The following DGKB variants were observed in gnomAD, a reference collection of about 807,000 sequenced individuals.
DGKB encodes the protein diacylglycerol kinase beta.
Under a neutral mutation model 114.3 loss-of-function variants are expected in DGKB, and 67 were observed. That is an observed-to-expected ratio of 0.59 (90% confidence interval 0.48 to 0.72). The LOEUF (loss-of-function observed/expected upper bound fraction) is 0.72. DGKB is among the 30% of genes least tolerant of loss of function. The pLI is 0.00. For synonymous variants in DGKB, 398 were observed against 323.1 expected, an observed-to-expected ratio of 1.23 and a Z score of -2.49; for missense variants, 907 against 975.2, an observed-to-expected ratio of 0.93 and a Z score of 0.93.
chr7:14,758,835 T>C (rs1835248650), intron 2 of DGKB, among the ~76,000 whole-genome samples: 1 of 152,172 alleles, frequency 6.6e-6, no homozygotes, highest in Admixed American at 6.6e-5. Flanking sequence ...ATGTACCATT[T>C]CCTTTCTTTA....
At chr7:14,587,135 C>T (rs1177117019) in intron 17 of DGKB, among the ~76,000 whole-genome samples, 1 of 152,098 alleles carries the variant, frequency 6.6e-6, no homozygotes, top group Non-Finnish European at 1.5e-5. Context: ...ATCTAGGTGT[C>T]ATTAAGAACA....
chr7:14,654,071 A>C (rs1481991396), intron 13 of DGKB, among the ~76,000 whole-genome samples: 1 of 152,088 alleles, frequency 6.6e-6, no homozygotes, highest in Non-Finnish European at 1.5e-5. Flanking sequence ...AGGGCATCCA[A>C]ATTGGAAAAG....
intron 23 of DGKB, among the ~76,000 whole-genome samples, chr7:14,331,799 G>A (rs35787627): frequency 0.053 from 7,993 of 152,088 alleles, 315 homozygotes; most frequent in Non-Finnish European, 0.086. Flanking sequence ...TGATCAATTT[G>A]GTTTGTATTG....
In DGKB at chr7:14,553,918, G is replaced by C. The variant is rs546358473; in HGVS notation, c.1770+20294C>G. On this transcript the variant is annotated intron_variant, in intron 20 of 25. Coordinates refer to ENST00000402815, the MANE Select transcript of DGKB (RefSeq NM_001350709.2). Reference sequence around the variant, plus strand: ...GACGGAGTCTCGCTCTGTCGCCCAGGCTGGAGTGCAGTGGCGGGATCTCGG... The same window carrying C: ...GACGGAGTCTCGCTCTGTCGCCCAGCCTGGAGTGCAGTGGCGGGATCTCGG... Among the ~76,000 whole-genome samples, 3 of 124,518 alleles carry C rather than the reference G, an allele frequency of 2.4e-5. No individual in the cohort carries two copies. In the South Asian group the frequency reaches 8.3e-4, roughly 35 times the overall value. The allele number at this position is 124,518 out of a possible 152,430, so 81.7% of individuals were successfully genotyped here.
At chr7:14,919,685 G>A (rs1587381820) in intron 1 of DGKB, among the ~76,000 whole-genome samples, 1 of 152,300 alleles carries the variant, frequency 6.6e-6, no homozygotes, top group East Asian at 1.9e-4. Context: ...AGGGAAATGA[G>A]CTATTAAACG....
intron 12 of DGKB, among the ~76,000 whole-genome samples, chr7:14,681,282 A>G (rs895595311): frequency 6.6e-6 from 1 of 152,144 alleles, no homozygotes; most frequent in Admixed American, 6.6e-5. Context: ...ATCTTTCATA[A>G]TGAGAAAATT....
At chr7:14,212,977 A>C (rs1788374293) in intron 23 of DGKB, among the ~76,000 whole-genome samples, 1 of 152,008 alleles carries the variant, frequency 6.6e-6, no homozygotes, top group Admixed American at 6.6e-5. Context: ...ATCACTCCTA[A>C]TCCTTGGGCA....
chr7:14,324,171 G>A lies in DGKB; in HGVS notation c.2122+14344C>T, dbSNP rs1006665073. Among the ~76,000 whole-genome samples the A allele has an allele frequency of 2.6e-5, 4 of 152,136 alleles. No individual in the cohort carries two copies. The South Asian group carries it at 6.2e-4, about 24-fold the overall frequency. ...TATATATGCATATGAAAGTTTTGGC[G>A]GGCACAGTGGCTCATGCCTGTAATC... On this transcript the variant is annotated intron_variant, in intron 23 of 25. Coordinates refer to ENST00000402815, the MANE Select transcript of DGKB (RefSeq NM_001350709.2).
chr7:14,592,119 T>C (rs1055442649), intron 17 of DGKB, among the ~76,000 whole-genome samples: 1 of 151,790 alleles, frequency 6.6e-6, no homozygotes, highest in Non-Finnish European at 1.5e-5. Context: ...GTATATATAT[T>C]ATAAATCATA....
At chr7:14,900,924 C>A (rs369431397) in intron 1 of DGKB, among the ~76,000 whole-genome samples, 1 of 152,150 alleles carries the variant, frequency 6.6e-6, no homozygotes, top group African/African-American at 2.4e-5. Context: ...GAACTGCTTG[C>A]AAATTTGCTC....
intron 23 of DGKB, among the ~76,000 whole-genome samples, chr7:14,275,809 C>T (rs1026346148): frequency 6.6e-6 from 1 of 152,026 alleles, no homozygotes; most frequent in Non-Finnish European, 1.5e-5. Flanking sequence ...TTCATAATTG[C>T]CATGATATGA....
Position 14,878,178 on chromosome 7 carries a change from G to A in DGKB, c.-188+24414C>T, listed in dbSNP as rs73287417. Among the ~76,000 whole-genome samples, 1,359 of 152,154 alleles carry A rather than the reference G, an allele frequency of 8.9e-3. 25 individuals are homozygous for A. Among genetic ancestry groups the A allele is most frequent in the African/African-American group, 0.031 (1,278 of 41,514 alleles). Reference sequence around the variant, plus strand: ...ACATATAAATCTATAAACCAAGTTGGCAAGAAAATATTCATGGCAATAATA... The same window carrying A: ...ACATATAAATCTATAAACCAAGTTGACAAGAAAATATTCATGGCAATAATA... On this transcript the variant is annotated intron_variant, in intron 1 of 25. Transcript: ENST00000402815.
chr7:14,479,480 G>A (rs1024411218), intron 20 of DGKB, among the ~76,000 whole-genome samples: 2 of 152,074 alleles, frequency 1.3e-5, no homozygotes, highest in Non-Finnish European at 1.5e-5. Flanking sequence ...CATATAGATA[G>A]AGGTGTATAG....
At position 14,376,729 on chromosome 7, in the gene DGKB, C is replaced by T. The variant is rs147265602; in HGVS notation, c.1836-31338G>A. ...ATGTGTTGCCTGTTTGAATACTAAA[C>T]GTGTGAGAAGCCATTTTATGAACAC... On this transcript the variant is annotated intron_variant, in intron 21 of 25. Transcript: ENST00000402815. 1.7e-3 allele frequency among the ~76,000 whole-genome samples: 252 copies of T among 152,226 alleles called. 1 individual carries two copies. Among genetic ancestry groups the T allele is most frequent in the African/African-American group, 5.0e-3 (208 of 41,538 alleles).
At chr7:14,670,141 T>A (rs1485658549) in intron 13 of DGKB, among the ~76,000 whole-genome samples, 11 of 152,232 alleles carry the variant, frequency 7.2e-5, no homozygotes, top group Non-Finnish European at 8.8e-5. Flanking sequence ...ATATTCATAG[T>A]GAAATAATTA....
At chr7:14,528,464 C>A (rs1266973817) in intron 20 of DGKB, among the ~76,000 whole-genome samples, 1 of 152,006 alleles carries the variant, frequency 6.6e-6, no homozygotes, top group African/African-American at 2.4e-5. Flanking sequence ...GACTAATTAT[C>A]TGATTATTTC....
At chr7:14,923,253 A>G (rs922891496) in intron 1 of DGKB, among the ~76,000 whole-genome samples, 5 of 152,178 alleles carry the variant, frequency 3.3e-5, no homozygotes, top group Admixed American at 3.3e-4. Context: ...GACTTCCTGA[A>G]TCTTTCCAAA....
chr7:14,500,519 G>A (rs1473903792), intron 20 of DGKB, among the ~76,000 whole-genome samples: 1 of 150,850 alleles, frequency 6.6e-6, no homozygotes, highest in African/African-American at 2.4e-5. Flanking sequence ...ACAATCAAGA[G>A]TACAAGTTTA....
chr7:14,634,535 C>T (rs995511463), intron 13 of DGKB, among the ~76,000 whole-genome samples: 1 of 148,740 alleles, frequency 6.7e-6, no homozygotes, highest in African/African-American at 2.5e-5. Flanking sequence ...GCCTGAAAAA[C>T]TGGCTTGAAT....
Sources: allele counts gnomAD v4.1 joint callset (sites outside exome capture counted in the v4.1 genomes callset), GRCh38; gene constraint gnomAD v4.1.1; transcripts MANE v1.5; gene names NCBI Gene and HGNC (gene_info 2026-07-23, HGNC 2026-07-21).